TSPAN3: variants seen among roughly 807,000 people sequenced by gnomAD.
TSPAN3 encodes the protein tetraspanin 3.
TSPAN3 carries 9 observed loss-of-function variants against 31.1 expected under a neutral mutation model. The observed-to-expected ratio is 0.29, with a 90% CI of 0.17 to 0.50. TSPAN3 has a LOEUF of 0.50. TSPAN3 is among the 20% of genes least tolerant of loss of function. TSPAN3 has a pLI of 0.98. For synonymous variants in TSPAN3, 129 were observed against 114.3 expected (o/e 1.13, Z -0.82); for missense variants, 252 against 313.5 (o/e 0.80, Z 1.48).
rs2076694306 is a variant in TSPAN3 at position 77,046,744 on chromosome 15, TA to T, written c.*90del. ...AACACCAGTGTACATGTGCTTTAAC[TA>T]AATGAACTCCAGAGGCCAACAGCAG... On this transcript the variant is annotated 3_prime_UTR_variant, in exon 7 of 7. Transcript: ENST00000267970. 2.1e-6 allele frequency: 2 copies of T among 966,992 alleles called. No homozygotes were observed. The highest frequency in any genetic ancestry group is 3.2e-6 in the Non-Finnish European group (2 of 627,724). 59.9% of individuals were successfully genotyped at this position (966,992 alleles called of 1,614,324 possible).
rs1257046699 is a variant in TSPAN3 at position 77,045,015 on chromosome 15, T to G, written c.*1820A>C. 1 of 152,084 alleles carries G rather than the reference T, an allele frequency of 6.6e-6. No homozygotes were observed. The highest frequency in any genetic ancestry group is 2.4e-5 in the African/African-American group (1 of 41,384). 9.4% of individuals were successfully genotyped at this position (152,084 alleles called of 1,614,324 possible). On this transcript the variant is annotated 3_prime_UTR_variant, in exon 7 of 7. Transcript: ENST00000267970. ...CTTCCACTTTGTGAAAAGGAGTTAG[T>G]TTTTACTCCTCTCCTTTCCCGTGTC...
chr15:77,051,872 G>T (rs959958296), intron 6 of TSPAN3, among the ~76,000 whole-genome samples: 6 of 151,910 alleles, frequency 3.9e-5, no homozygotes, highest in Admixed American at 6.6e-5. Flanking sequence ...TTTAAAAGTT[G>T]TTGTGTTTAG....
intron 1 of TSPAN3, 122 bp from the exon 2 acceptor site, chr15:77,056,377 C>G: frequency 1.5e-6 from 1 of 679,010 alleles, no homozygotes; most frequent in South Asian, 3.3e-5. Context: ...TTCAGTAAAG[C>G]TGAAAATTCT....
chr15:77,044,750 A>G lies in TSPAN3; in HGVS notation c.*2085T>C, dbSNP rs2076679327. 1 of 152,256 alleles carries G rather than the reference A, an allele frequency of 6.6e-6. No homozygotes were observed. The highest frequency in any genetic ancestry group is 2.4e-5 in the African/African-American group (1 of 41,446). The allele number at this position is 152,256 out of a possible 1,614,324, so 9.4% of individuals were successfully genotyped here. ...CTAGAGGCCCTGTTCTGTCCTGTAGAAAGAGTGGAGAACAACCAACATCAC... is the reference window on the plus strand; with the variant it reads ...CTAGAGGCCCTGTTCTGTCCTGTAGGAAGAGTGGAGAACAACCAACATCAC... On this transcript the variant is annotated 3_prime_UTR_variant, in exon 7 of 7. Coordinates refer to ENST00000267970, the MANE Select transcript of TSPAN3 (RefSeq NM_005724.6).
At chr15:77,057,784 G>A (rs2076776814) in intron 1 of TSPAN3, among the ~76,000 whole-genome samples, 3 of 152,012 alleles carry the variant, frequency 2.0e-5, no homozygotes. Context: ...CTCTCCGTGG[G>A]CTACAGCAGC....
rs2076666619 is a variant in TSPAN3, at chr15:77,042,679, G to C, written c.*4156C>G. On this transcript the variant is annotated 3_prime_UTR_variant, in exon 7 of 7. Coordinates refer to ENST00000267970, the MANE Select transcript of TSPAN3 (RefSeq NM_005724.6). Reference sequence around the variant, plus strand: ...ACTGGCAAATGAGGAAGGAGTGCTGGGCTGCAGAAACGTCGCTTGGCAGTC... The same window carrying C: ...ACTGGCAAATGAGGAAGGAGTGCTGCGCTGCAGAAACGTCGCTTGGCAGTC... 6.6e-6 allele frequency: 1 copy of C among 152,138 alleles called. No individual in the cohort carries two copies. Among genetic ancestry groups the C allele is most frequent in the Non-Finnish European group, 1.5e-5 (1 of 68,032 alleles). The allele number at this position is 152,138 out of a possible 1,614,324, so 9.4% of individuals were successfully genotyped here.
chr15:77,067,177 GACAA>G, intron 1 of TSPAN3, among the ~76,000 whole-genome samples: 1 of 152,202 alleles, frequency 6.6e-6, no homozygotes, highest in East Asian at 1.9e-4. Flanking sequence ...TTTTATAAAG[GACAA>G]ACATTCTAAC....
chr15:77,061,167 T>C (rs957054921), intron 1 of TSPAN3, among the ~76,000 whole-genome samples: 1 of 152,212 alleles, frequency 6.6e-6, no homozygotes, highest in African/African-American at 2.4e-5. Flanking sequence ...GCTTTTTCCA[T>C]AGCTTAGAAA....
At chr15:77,047,289 T>C (rs1241071085) in intron 6 of TSPAN3, among the ~76,000 whole-genome samples, 6 of 152,222 alleles carry the variant, frequency 3.9e-5, no homozygotes, top group South Asian at 4.1e-4. Context: ...ACCTGAAATA[T>C]AGTTACTGCA....
chr15:77,052,258 A>C (rs2076736799), intron 6 of TSPAN3, 127 bp downstream of exon 6: 1 of 767,798 alleles, frequency 1.3e-6, no homozygotes, highest in Admixed American at 2.3e-5. Flanking sequence ...ACTGGAGGCC[A>C]GTACCTCAGT....
Position 77,070,887 on chromosome 15 carries a change from C to A in TSPAN3, c.63+5G>T. On this transcript the variant is annotated splice_donor_5th_base_variant and intron_variant, in intron 1 of 6. Coordinates refer to ENST00000267970, the MANE Select transcript of TSPAN3 (RefSeq NM_005724.6). ...CGGCCCCTCGCTCTGCCCGGCCCCGCTCACCCAGAAGATGAGGTTGAGAAA... is the reference window on the plus strand; with the variant it reads ...CGGCCCCTCGCTCTGCCCGGCCCCGATCACCCAGAAGATGAGGTTGAGAAA... The A allele has an allele frequency of 7.2e-7, 1 of 1,388,420 alleles. No homozygotes were observed. Among genetic ancestry groups the A allele is most frequent in the Non-Finnish European group, 9.5e-7 (1 of 1,057,712 alleles). The allele number at this position is 1,388,420 out of a possible 1,614,324, so 86.0% of individuals were successfully genotyped here. A position where few individuals can be genotyped will look rare whatever the true frequency, so the allele number is the denominator to read the frequency against.
intron 6 of TSPAN3, 41 bp downstream of exon 6, chr15:77,052,344 C>T (rs2076737383): frequency 6.3e-7 from 1 of 1,575,386 alleles, no homozygotes; most frequent in Non-Finnish European, 8.7e-7. Flanking sequence ...CAACAGAGAA[C>T]CAACTCACTC....
At chr15:77,051,003 A>G (rs572464158) in intron 6 of TSPAN3, among the ~76,000 whole-genome samples, 2 of 152,314 alleles carry the variant, frequency 1.3e-5, no homozygotes, top group East Asian at 3.9e-4. Context: ...AGCAACTTAC[A>G]TTTAAACTAG....
In TSPAN3 at chr15:77,071,086, C is replaced by G. The variant is rs865792842; in HGVS notation, c.-132G>C. Reference sequence around the variant, plus strand: ...GCGCTCCCCGCAGCCCCTGCGCCGTCGCGCAGCCCCGACCCCAGCAAGTGC... The same window carrying G: ...GCGCTCCCCGCAGCCCCTGCGCCGTGGCGCAGCCCCGACCCCAGCAAGTGC... On this transcript the variant is annotated 5_prime_UTR_variant, in exon 1 of 7. Transcript: ENST00000267970. The G allele has an allele frequency of 5.9e-6, 3 of 511,396 alleles. No homozygotes were observed. Among genetic ancestry groups the G allele is most frequent in the Non-Finnish European group, 8.7e-6 (3 of 344,458 alleles). The allele number at this position is 511,396 out of a possible 1,614,324, so 31.7% of individuals were successfully genotyped here. A position where few individuals can be genotyped will look rare whatever the true frequency, so the allele number is the denominator to read the frequency against.
chr15:77,067,594 G>A (rs2152698121), intron 1 of TSPAN3: 1 of 152,300 alleles, frequency 6.6e-6, no homozygotes, highest in East Asian at 1.9e-4. Context: ...AAGCTCTATG[G>A]AGAGTATGTT....
At chr15:77,065,613 A>G (rs2076827685) in intron 1 of TSPAN3, among the ~76,000 whole-genome samples, 2 of 152,256 alleles carry the variant, frequency 1.3e-5, no homozygotes, top group South Asian at 4.1e-4. Flanking sequence ...TTTTTAGTAG[A>G]GACGGGGTTT....
chr15:77,069,365 G>T (rs2152698337), intron 1 of TSPAN3, among the ~76,000 whole-genome samples: 1 of 152,282 alleles, frequency 6.6e-6, no homozygotes, highest in South Asian at 2.1e-4. Flanking sequence ...CATCTACAAA[G>T]AGAAGACTGA....
chr15:77,054,804 T>C (rs2076757622), intron 3 of TSPAN3: 1 of 152,478 alleles, frequency 6.6e-6, no homozygotes, highest in Admixed American at 6.5e-5. Flanking sequence ...TGGCACTTTA[T>C]GAAAAAGCTA....
chr15:77,056,467 T>C (rs760109624), intron 1 of TSPAN3, among the ~76,000 whole-genome samples: 44 of 152,044 alleles, frequency 2.9e-4, no homozygotes, highest in Middle Eastern at 3.4e-3. Context: ...CACGAATTGA[T>C]GGTTCAGCTA....
Sources: gnomAD v4.1 joint callset for allele counts (sites outside exome capture counted in the v4.1 genomes callset) on GRCh38, gnomAD v4.1.1 for gene constraint, MANE v1.5 for transcripts, NCBI Gene and HGNC (gene_info 2026-07-23, HGNC 2026-07-21) for gene names.